CHL1: variants seen among roughly 807,000 people sequenced by gnomAD.
CHL1 encodes cell adhesion molecule L1 like, also known as neural cell adhesion molecule L1-like protein.
A neutral mutation model predicts 141.9 loss-of-function variants in CHL1; 96 were observed. That is an observed-to-expected ratio of 0.68 (90% CI 0.57 to 0.80). CHL1 has a LOEUF of 0.80. Ranked by LOEUF, CHL1 falls within the 30% of genes least tolerant of loss-of-function variation. The pLI is 0.00. For synonymous variants in CHL1, 613 were observed against 502.2 expected (o/e 1.22, Z -2.95); for missense variants, 1,820 against 1,457.2 (o/e 1.25, Z -4.05).
intron 10 of CHL1, 31 bp from the exon 11 acceptor site, chr3:354,609 A>G (rs759274513): frequency 7.0e-6 from 11 of 1,578,694 alleles, no homozygotes; most frequent in African/African-American, 1.4e-5. Flanking sequence ...CATAGATAAC[A>G]TCTCTCATGA....
intron 26 of CHL1, among the ~76,000 whole-genome samples, chr3:400,970 C>T (rs1245085471): frequency 7.4e-6 from 1 of 135,806 alleles, no homozygotes; most frequent in Non-Finnish European, 1.5e-5. Context: ...GGTTCTATCT[C>T]ATCTCTTTGC....
intron 24 of CHL1, among the ~76,000 whole-genome samples, chr3:397,249 C>G (rs148296458): frequency 1.3e-5 from 2 of 152,092 alleles, no homozygotes; most frequent in African/African-American, 4.8e-5. Context: ...GTTTCAATGA[C>G]GCTTAATCTT....
rs779448754 is a variant in CHL1, at chr3:361,686, T to C, written c.1307-13T>C. 2.5e-5 allele frequency: 40 copies of C among 1,583,418 alleles called. No homozygotes were observed. Among genetic ancestry groups the C allele is most frequent in the Middle Eastern group, 3.3e-4 (2 of 5,990 alleles). On this transcript the variant is annotated splice_polypyrimidine_tract_variant and intron_variant, in intron 12 of 27. Coordinates refer to ENST00000256509, the MANE Select transcript of CHL1 (RefSeq NM_006614.4). Reference sequence around the variant, plus strand: ...CAAAAGTTTAAAACTGCGTTTATGTTATTTTCAAATAGATGTCCGTCCATT... The same window carrying C: ...CAAAAGTTTAAAACTGCGTTTATGTCATTTTCAAATAGATGTCCGTCCATT...
chr3:198,351 G>C (rs1575584819), intron 1 of CHL1, among the ~76,000 whole-genome samples: 1 of 151,968 alleles, frequency 6.6e-6, no homozygotes, highest in East Asian at 1.9e-4. Flanking sequence ...GTGCGCGAGG[G>C]CGCGCTCCCG....
intron 1 of CHL1, among the ~76,000 whole-genome samples, chr3:211,527 C>G (rs1699903440): frequency 6.6e-6 from 1 of 152,126 alleles, no homozygotes; most frequent in Non-Finnish European, 1.5e-5. Context: ...CTCTGTTTCT[C>G]CAGATCCTAC....
rs796331051 is a variant in CHL1 at position 310,269 on chromosome 3, A to AT, written c.-94-9404dup. On this transcript the variant is annotated intron_variant, in intron 2 of 27. Transcript: ENST00000256509. ...GCATAGTGAGACCCCTATCTCTATAATTTTTTTTTTAATTAGCTGCATGTG... is the reference window on the plus strand; with the variant it reads ...GCATAGTGAGACCCCTATCTCTATAATTTTTTTTTTTAATTAGCTGCATGTG... Among the ~76,000 whole-genome samples, 38 of 150,536 alleles carry AT rather than the reference A, an allele frequency of 2.5e-4. 1 individual carries two copies. In the Middle Eastern group the frequency reaches 0.021, roughly 82 times the overall value.
intron 2 of CHL1, among the ~76,000 whole-genome samples, chr3:308,394 C>T (rs1293102465): frequency 6.6e-6 from 1 of 151,810 alleles, no homozygotes; most frequent in Admixed American, 6.6e-5. Flanking sequence ...AATTGTGAGC[C>T]CTTGTTTATT....
At chr3:373,143 G>T (rs1006974454) in intron 15 of CHL1, among the ~76,000 whole-genome samples, 2 of 152,206 alleles carry the variant, frequency 1.3e-5, no homozygotes, top group African/African-American at 2.4e-5. Flanking sequence ...GAGGGGATGT[G>T]CTTCACTAGG....
intron 2 of CHL1, among the ~76,000 whole-genome samples, chr3:284,588 T>C (rs986813120): frequency 6.6e-6 from 1 of 152,188 alleles, no homozygotes; most frequent in African/African-American, 2.4e-5. Flanking sequence ...AAATGAGACA[T>C]GCAGACCTTA....
chr3:309,914 T>C (rs571557465), intron 2 of CHL1, among the ~76,000 whole-genome samples: 12 of 152,310 alleles, frequency 7.9e-5, no homozygotes, highest in African/African-American at 1.7e-4. Context: ...TTTATTGTTA[T>C]GGTTAAATTT....
At chr3:314,792 A>G (rs1700040318) in intron 2 of CHL1, among the ~76,000 whole-genome samples, 1 of 152,100 alleles carries the variant, frequency 6.6e-6, no homozygotes, top group African/African-American at 2.4e-5. Flanking sequence ...TGAGGCCTAG[A>G]CTAGAATTCA....
At chr3:396,182 C>T (rs2106405848) in intron 24 of CHL1, among the ~76,000 whole-genome samples, 1 of 152,294 alleles carries the variant, frequency 6.6e-6, no homozygotes, top group African/African-American at 2.4e-5. Flanking sequence ...ACTAATTTCA[C>T]TGACTTTACC....
intron 9 of CHL1, among the ~76,000 whole-genome samples, chr3:346,172 C>A (rs906370690): frequency 2.0e-5 from 3 of 152,194 alleles, no homozygotes; most frequent in Non-Finnish European, 4.4e-5. Context: ...ATTGGTTTTA[C>A]AGCCCCTAAG....
chr3:277,449 C>A lies in CHL1; in HGVS notation c.-95+32757C>A, dbSNP rs76217823. ...AACATTAAAATCCTTAATTTGACAA[C>A]TGGCAGAAGAACACAGCATTGAATC... On this transcript the variant is annotated intron_variant, in intron 2 of 27. Transcript: ENST00000256509. Among the ~76,000 whole-genome samples the A allele has an allele frequency of 7.9e-3, 1,205 of 152,292 alleles. 13 individuals carry two copies. The highest frequency in any genetic ancestry group is 9.0e-3 in the Non-Finnish European group (613 of 68,010).
chr3:323,055 A>C (rs963600259), intron 3 of CHL1, among the ~76,000 whole-genome samples: 14 of 152,052 alleles, frequency 9.2e-5, no homozygotes, highest in Admixed American at 5.9e-4. Flanking sequence ...GTATTATGAC[A>C]ATCTCTATTT....
At chr3:269,125 A>C (rs1045428932) in intron 2 of CHL1, among the ~76,000 whole-genome samples, 1 of 152,194 alleles carries the variant, frequency 6.6e-6, no homozygotes, top group Non-Finnish European at 1.5e-5. Context: ...AAAAAACTCA[A>C]TTTCCCCAAC....
At chr3:352,013 C>T (rs1703309131) in intron 10 of CHL1, among the ~76,000 whole-genome samples, 1 of 152,018 alleles carries the variant, frequency 6.6e-6, no homozygotes, top group Non-Finnish European at 1.5e-5. Context: ...AAGCTCCCAC[C>T]AATAATTTTT....
At chr3:308,554 A>T (rs1189658035) in intron 2 of CHL1, among the ~76,000 whole-genome samples, 1 of 151,268 alleles carries the variant, frequency 6.6e-6, no homozygotes, top group South Asian at 2.1e-4. Flanking sequence ...ATAAACATAG[A>T]TAGTCATATA....
chr3:324,970 T>C (rs1161075767), intron 3 of CHL1, among the ~76,000 whole-genome samples: 1 of 152,032 alleles, frequency 6.6e-6, no homozygotes, highest in Non-Finnish European at 1.5e-5. Flanking sequence ...GAGGAGGGGA[T>C]ATTTGAATAT....
Sources: gnomAD v4.1 joint callset for allele counts (sites outside exome capture counted in the v4.1 genomes callset) on GRCh38, gnomAD v4.1.1 for gene constraint, MANE v1.5 for transcripts, NCBI Gene and HGNC (gene_info 2026-07-23, HGNC 2026-07-21) for gene names.